The following PCLO variants were observed in gnomAD, a reference collection of about 807,000 sequenced individuals.
The protein encoded by PCLO is piccolo presynaptic cytomatrix protein.
A neutral mutation model predicts 427.5 loss-of-function variants in PCLO; 82 were observed. The observed-to-expected ratio is 0.19, with a 90% CI of 0.16 to 0.23. The LOEUF (loss-of-function observed/expected upper bound fraction) is 0.23. PCLO is among the 10% of genes least tolerant of loss of function. The pLI is 1.00. For synonymous variants in PCLO, 2,357 were observed against 2,155.4 expected (o/e 1.09, Z -2.59); for missense variants, 6,239 against 6,115.9 (o/e 1.02, Z -0.67).
At chr7:83,014,593 A>G (rs1788161591) in intron 3 of PCLO, among the ~76,000 whole-genome samples, 2 of 152,010 alleles carry the variant, frequency 1.3e-5, no homozygotes. Context: ...CAACATTGCA[A>G]TATAGAATGA....
intron 10 of PCLO, among the ~76,000 whole-genome samples, chr7:82,860,829 A>G (rs370024084): frequency 1.8e-4 from 28 of 152,088 alleles, no homozygotes; most frequent in African/African-American, 6.8e-4. Flanking sequence ...AAATTAAGGC[A>G]TAGAGTTTTT....
intron 3 of PCLO, among the ~76,000 whole-genome samples, chr7:83,014,910 A>G (rs1353930250): frequency 6.6e-6 from 1 of 152,202 alleles, no homozygotes; most frequent in Non-Finnish European, 1.5e-5. Flanking sequence ...TTCTCACAAT[A>G]AAAGTAATTA....
At chr7:82,946,084 C>G (rs1018985028) in intron 6 of PCLO, among the ~76,000 whole-genome samples, 9 of 152,260 alleles carry the variant, frequency 5.9e-5, no homozygotes, top group African/African-American at 2.2e-4. Flanking sequence ...AACCTGTATT[C>G]AGTGTTTCAG....
intron 6 of PCLO, among the ~76,000 whole-genome samples, chr7:82,937,946 C>T (rs895055217): frequency 1.3e-5 from 2 of 151,832 alleles, no homozygotes; most frequent in African/African-American, 2.4e-5. Flanking sequence ...AATCTGAGAA[C>T]TTTCCTAATG....
At chr7:83,080,542 C>A (rs938145658) in intron 3 of PCLO, among the ~76,000 whole-genome samples, 6 of 151,958 alleles carry the variant, frequency 3.9e-5, no homozygotes, top group African/African-American at 1.5e-4. Flanking sequence ...TCAAATCTGC[C>A]CATCATAAAA....
At chr7:83,069,287 G>T (rs1789746157) in intron 3 of PCLO, among the ~76,000 whole-genome samples, 1 of 152,024 alleles carries the variant, frequency 6.6e-6, no homozygotes, top group Non-Finnish European at 1.5e-5. Flanking sequence ...TAATATGCAG[G>T]TTTTGCATCC....
chr7:82,980,388 A>G (rs1796120202), intron 3 of PCLO, among the ~76,000 whole-genome samples: 1 of 152,152 alleles, frequency 6.6e-6, no homozygotes, highest in African/African-American at 2.4e-5. Flanking sequence ...AAATTGCTCC[A>G]TGGGGGAAGT....
Position 83,017,661 on chromosome 7 carries a change from A to G in PCLO, c.3301-51174T>C, listed in dbSNP as rs532320749. Among the ~76,000 whole-genome samples, 610 of 152,134 alleles carry G rather than the reference A, an allele frequency of 4.0e-3. 3 individuals are homozygous for G. The highest frequency in any genetic ancestry group is 0.014 in the African/African-American group (569 of 41,534). On this transcript the variant is annotated intron_variant, in intron 3 of 24. Transcript: ENST00000333891. ...ATATTACATATACAGCTACAAAATC[A>G]TGTTACTCTTTTGCATCCTGAATAA...
chr7:82,895,979 C>T (rs1350697642), intron 9 of PCLO, among the ~76,000 whole-genome samples: 2 of 151,824 alleles, frequency 1.3e-5, no homozygotes, highest in Non-Finnish European at 2.9e-5. Context: ...TATGAGATTA[C>T]TCAAAGATAT....
At position 82,916,733 on chromosome 7, in the gene PCLO, G is replaced by A. The variant is rs1794476449; in HGVS notation, c.11253C>T (p.Ile3751=). The A allele has an allele frequency of 1.2e-6, 2 of 1,613,696 alleles. No individual in the cohort carries two copies. Among genetic ancestry groups the A allele is most frequent in the Non-Finnish European group, 1.7e-6 (2 of 1,179,726 alleles). Residue 3751 remains isoleucine (I), a synonymous_variant, in exon 7 of 25, where the codon ATC becomes ATT. Coordinates refer to ENST00000333891, the MANE Select transcript of PCLO (RefSeq NM_033026.6). ...STMGTVSRRR[I]CRTNTMARAK... is the part of the protein sequence containing the mutation. ...CTCGTGCCATTGTGTTGGTTCTGCA[G>A]ATCCTTCTCCTGGAAACTGTGCCCA...
intron 10 of PCLO, 87 bp downstream of exon 10, chr7:82,879,250 A>T: frequency 1.7e-6 from 2 of 1,178,854 alleles, no homozygotes; most frequent in Non-Finnish European, 2.3e-6. Flanking sequence ...CTACACAGAG[A>T]AGGATGAGAA....
At chr7:82,926,269 A>G (rs1794710379) in intron 6 of PCLO, among the ~76,000 whole-genome samples, 2 of 152,180 alleles carry the variant, frequency 1.3e-5, no homozygotes, top group African/African-American at 2.4e-5. Flanking sequence ...CAGTATCATC[A>G]CTATGGGTCT....
intron 3 of PCLO, among the ~76,000 whole-genome samples, chr7:83,120,902 A>C (rs1490418958): frequency 6.6e-6 from 1 of 152,222 alleles, no homozygotes; most frequent in Non-Finnish European, 1.5e-5. Flanking sequence ...GAAGGCACAA[A>C]ACTTGCTAGT....
intron 9 of PCLO, among the ~76,000 whole-genome samples, chr7:82,897,467 T>C (rs1472631470): frequency 6.6e-6 from 1 of 151,584 alleles, no homozygotes; most frequent in African/African-American, 2.4e-5. Context: ...ATGATGCACC[T>C]GTATAGCTGT....
intron 3 of PCLO, among the ~76,000 whole-genome samples, chr7:83,015,356 T>C (rs1788181138): frequency 6.6e-6 from 1 of 151,978 alleles, no homozygotes; most frequent in African/African-American, 2.4e-5. Context: ...CATTTTGTAG[T>C]GACCAGTCAG....
At chr7:82,835,987 A>G (rs1792223461) in intron 15 of PCLO, among the ~76,000 whole-genome samples, 2 of 152,124 alleles carry the variant, frequency 1.3e-5, no homozygotes, top group Admixed American at 1.3e-4. Context: ...GCCAAACCTC[A>G]CCAAGTAGGG....
chr7:82,928,740 C>T (rs755903905), intron 6 of PCLO, among the ~76,000 whole-genome samples: 2 of 152,046 alleles, frequency 1.3e-5, no homozygotes, highest in East Asian at 1.9e-4. Context: ...CTGGAGCTAT[C>T]GAGAAGCTAT....
In PCLO at chr7:83,086,213, C is replaced by T. The variant is rs140158531; in HGVS notation, c.3300+48037G>A. ...GCAACCTCCACCTACCAGACTCAAG[C>T]GATTCTCTTGCCTCAGCCTCTCAAG... On this transcript the variant is annotated intron_variant, in intron 3 of 24. Transcript: ENST00000333891. Among the ~76,000 whole-genome samples the T allele has an allele frequency of 1.1e-3, 160 of 151,892 alleles. 1 individual carries two copies. The highest frequency in any genetic ancestry group is 3.6e-3 in the Admixed American group (55 of 15,238).
chr7:82,999,537 A>T (rs1787737633), intron 3 of PCLO, among the ~76,000 whole-genome samples: 1 of 82,924 alleles, frequency 1.2e-5, no homozygotes, highest in Non-Finnish European at 1.9e-5. Context: ...ATTATATTAA[A>T]ATATAAAATA....
Sources: gnomAD v4.1 joint callset for allele counts (sites outside exome capture counted in the v4.1 genomes callset) on GRCh38, gnomAD v4.1.1 for gene constraint, MANE v1.5 for transcripts, NCBI Gene and HGNC (gene_info 2026-07-23, HGNC 2026-07-21) for gene names.